The following TCF7L2 variants were observed in gnomAD, a reference collection of about 807,000 sequenced individuals.
TCF7L2 encodes the protein transcription factor 7 like 2.
TCF7L2 carries 23 observed loss-of-function variants against 77.9 expected under a neutral mutation model. The ratio of observed to expected loss-of-function variants is 0.30; its 90% CI spans 0.21 to 0.42. The LOEUF (loss-of-function observed/expected upper bound fraction) is 0.42. Ranked by LOEUF, TCF7L2 falls within the 10% of genes least tolerant of loss-of-function variation. TCF7L2 has a pLI of 1.00. For missense variants in TCF7L2, 654 were observed against 793.1 expected, an observed-to-expected ratio of 0.82 and a Z score of 2.11; for synonymous variants, 413 against 340.2, an observed-to-expected ratio of 1.21 and a Z score of -2.36.
chr10:112,976,868 C>T (rs1022557936), intron 4 of TCF7L2, among the ~76,000 whole-genome samples: 76 of 152,110 alleles, frequency 5.0e-4, no homozygotes, highest in African/African-American at 1.7e-3. Context: ...GAGACTATGG[C>T]ATCATCCAAA....
intron 13 of TCF7L2, among the ~76,000 whole-genome samples, chr10:113,164,567 G>A (rs960411777): frequency 2.0e-5 from 3 of 149,240 alleles, no homozygotes; most frequent in African/African-American, 4.9e-5. Context: ...TTCTCACTAC[G>A]GGGTGGGGGA....
intron 5 of TCF7L2, among the ~76,000 whole-genome samples, chr10:113,073,099 C>CGTGTGTGGGT (rs2058234778): frequency 9.6e-6 from 1 of 103,962 alleles, no homozygotes; most frequent in Non-Finnish European, 1.9e-5. Flanking sequence ...AGGGCCAGGT[C>CGTGTGTGGGT]GTGTGTGTGT....
chr10:113,130,759 A>ATTG (rs1316813560), intron 5 of TCF7L2, among the ~76,000 whole-genome samples: 1 of 150,662 alleles, frequency 6.6e-6, no homozygotes, highest in African/African-American at 2.4e-5. Context: ...AAAAATTATT[A>ATTG]TTATTATTAT....
Position 113,124,663 on chromosome 10 carries a change from T to G in TCF7L2, c.553-16521T>G, listed in dbSNP as rs1195764776. ...ATTTGGGTGAATTCAAATATGTTGG[T>G]TATGCCAGGTAAGCTGCAAATTTTT... is the stretch of plus-strand genomic sequence containing the variant. On this transcript the variant is annotated intron_variant, in intron 5 of 13. Transcript: ENST00000627217. Among the ~76,000 whole-genome samples, 5 of 152,074 alleles carry G rather than the reference T, an allele frequency of 3.3e-5. 1 individual carries two copies. In the East Asian group the frequency reaches 9.6e-4, roughly 29 times the overall value.
chr10:113,031,633 G>T (rs866602997), intron 4 of TCF7L2, among the ~76,000 whole-genome samples: 1 of 152,014 alleles, frequency 6.6e-6, no homozygotes, highest in Non-Finnish European at 1.5e-5. Flanking sequence ...CATAACAGGC[G>T]CCTGCCACCA....
At chr10:113,108,446 G>A (rs1002001474) in intron 5 of TCF7L2, among the ~76,000 whole-genome samples, 14 of 152,056 alleles carry the variant, frequency 9.2e-5, no homozygotes, top group South Asian at 2.1e-4. Context: ...GGGCCATTGT[G>A]GGGGGGAGGG....
chr10:112,973,152 C>T (rs1226589825), intron 4 of TCF7L2, among the ~76,000 whole-genome samples: 1 of 152,184 alleles, frequency 6.6e-6, no homozygotes, highest in African/African-American at 2.4e-5. Flanking sequence ...GCTCAAGTAT[C>T]ACCTGGAGGG....
At chr10:113,127,866 CT>C (rs34638595) in intron 5 of TCF7L2, among the ~76,000 whole-genome samples, 21,389 of 110,092 alleles carry the variant, frequency 0.19, 1,752 homozygotes, top group South Asian at 0.35. Flanking sequence ...TTGCTGCGTC[CT>C]TTTTTTTTTT....
intron 4 of TCF7L2, among the ~76,000 whole-genome samples, chr10:113,012,637 G>A (rs932417825): frequency 7.2e-5 from 11 of 152,176 alleles, no homozygotes; most frequent in Admixed American, 1.3e-4. Context: ...CATTGAGTAA[G>A]GAGCTGCAGG....
At chr10:113,152,475 T>TA in intron 11 of TCF7L2, 35 bp downstream of exon 11, 1 of 1,551,840 alleles carries the variant, frequency 6.4e-7, no homozygotes, top group South Asian at 1.1e-5. Context: ...TTGGAGTCTG[T>TA]AGAGCTGTGT....
chr10:112,985,966 A>G (rs1435360982), intron 4 of TCF7L2, among the ~76,000 whole-genome samples: 1 of 152,074 alleles, frequency 6.6e-6, no homozygotes, highest in Non-Finnish European at 1.5e-5. Context: ...CTATATTCAA[A>G]TCAAAGTCAC....
intron 5 of TCF7L2, among the ~76,000 whole-genome samples, chr10:113,079,752 G>T (rs1564865536): frequency 6.6e-6 from 1 of 151,988 alleles, no homozygotes; most frequent in Non-Finnish European, 1.5e-5. Context: ...CTGCCTCTCG[G>T]GTACAAGCGA....
intron 4 of TCF7L2, among the ~76,000 whole-genome samples, chr10:113,007,297 C>T (rs893848996): frequency 3.9e-5 from 6 of 152,312 alleles, no homozygotes; most frequent in Non-Finnish European, 5.9e-5. Flanking sequence ...GCCTCCGTCA[C>T]GGGCAACCTC....
chr10:113,027,293 G>A lies in TCF7L2; in HGVS notation c.451-12732G>A, dbSNP rs567812188. Among the ~76,000 whole-genome samples the A allele has an allele frequency of 5.8e-4, 89 of 152,184 alleles. 1 individual carries two copies. The South Asian group carries it at 0.018, about 32-fold the overall frequency. ...GGTTTTTGAAGCAGGAATTTGATTT[G>A]GTGTCTGGGTTTTGATAGGGGTGTT... On this transcript the variant is annotated intron_variant, in intron 4 of 13. Transcript: ENST00000627217.
rs770211022 is a variant in TCF7L2 at position 112,951,598 on chromosome 10, C to T, written c.372C>T (p.Thr124=). The T allele has an allele frequency of 7.6e-6, 10 of 1,313,610 alleles. No homozygotes were observed. The highest frequency in any genetic ancestry group is 8.9e-5 in the East Asian group (2 of 22,522). 81.4% of individuals were successfully genotyped at this position (1,313,610 alleles called of 1,614,324 possible). A position where few individuals can be genotyped will look rare whatever the true frequency, so the allele number is the denominator to read the frequency against. The change falls in exon 3 of 14, where the codon ACC becomes ACT. Residue 124 remains threonine (T), a synonymous_variant. Coordinates refer to ENST00000627217, the MANE Select transcript of TCF7L2 (RefSeq NM_001146274.2). ...TCCCCAACGGATCGCTCTCGCCCAC[C>T]GCCCGAACCGTAAGTGCCTCCGCGC... is the stretch of plus-strand genomic sequence containing the variant.
In TCF7L2 at chr10:112,960,845, G is replaced by A. The variant is rs532209561; in HGVS notation, c.382-3711G>A. On this transcript the variant is annotated intron_variant, in intron 3 of 13. Coordinates refer to ENST00000627217, the MANE Select transcript of TCF7L2 (RefSeq NM_001146274.2). ...TGGGATTATAGGCGCACACCACCAT[G>A]CTGGGCTAATTTTATTTTTGTATTT... Among the ~76,000 whole-genome samples the A allele has an allele frequency of 3.8e-4, 58 of 151,970 alleles. 1 individual carries two copies. In the South Asian group the frequency reaches 0.012, roughly 30 times the overall value.
chr10:113,078,797 G>A (rs1377960063), intron 5 of TCF7L2, among the ~76,000 whole-genome samples: 2 of 151,812 alleles, frequency 1.3e-5, no homozygotes, highest in Admixed American at 6.6e-5. Flanking sequence ...CCTGGAAGCC[G>A]CAGGGATCAG....
At chr10:113,097,363 C>G (rs1386294563) in intron 5 of TCF7L2, among the ~76,000 whole-genome samples, 1 of 152,130 alleles carries the variant, frequency 6.6e-6, no homozygotes, top group African/African-American at 2.4e-5. Context: ...TAGAAGAACC[C>G]ATGAGGAGGC....
chr10:112,961,363 T>G (rs1237566776), intron 3 of TCF7L2, among the ~76,000 whole-genome samples: 1 of 151,660 alleles, frequency 6.6e-6, no homozygotes, highest in Non-Finnish European at 1.5e-5. Context: ...AGTCATCTTG[T>G]CCTGGACTTC....
Sources: gnomAD v4.1 joint callset for allele counts (sites outside exome capture counted in the v4.1 genomes callset) on GRCh38, gnomAD v4.1.1 for gene constraint, MANE v1.5 for transcripts, NCBI Gene and HGNC (gene_info 2026-07-23, HGNC 2026-07-21) for gene names.